Variants in GRID1 observed in about 807,000 individuals in gnomAD.
GRID1 encodes glutamate ionotropic receptor delta type subunit 1.
Under a neutral mutation model 98.0 loss-of-function variants are expected in GRID1, and 28 were observed. The observed-to-expected ratio is 0.29, with a 90% CI of 0.21 to 0.39. The LOEUF is 0.39. GRID1 is among the 10% of genes least tolerant of loss of function. The probability of loss-of-function intolerance (pLI) is 1.00; values close to 1 mark genes in which losing one functional copy is unlikely to be tolerated. For synonymous variants in GRID1, 553 were observed against 538.5 expected, an observed-to-expected ratio of 1.03 and a Z score of -0.37; for missense variants, 1,111 against 1,340.5, an observed-to-expected ratio of 0.83 and a Z score of 2.67.
intron 8 of GRID1, among the ~76,000 whole-genome samples, chr10:85,767,094 C>T (rs903430856): frequency 3.9e-5 from 6 of 152,078 alleles, no homozygotes; most frequent in Admixed American, 2.6e-4. Flanking sequence ...TGAACATTAG[C>T]GCATTTGGCA....
intron 8 of GRID1, among the ~76,000 whole-genome samples, chr10:85,824,705 C>T (rs1439100070): frequency 6.6e-6 from 1 of 152,154 alleles, no homozygotes; most frequent in Admixed American, 6.5e-5. Context: ...CACCACCAAC[C>T]TTCCAGTCTT....
chr10:86,156,252 T>C (rs184744418), intron 3 of GRID1, among the ~76,000 whole-genome samples: 1 of 152,328 alleles, frequency 6.6e-6, no homozygotes, highest in African/African-American at 2.4e-5. Flanking sequence ...TTTGGGGGAA[T>C]GACTCCTTAT....
chr10:85,796,377 C>A (rs1842526269), intron 8 of GRID1, among the ~76,000 whole-genome samples: 1 of 152,198 alleles, frequency 6.6e-6, no homozygotes, highest in South Asian at 2.1e-4. Context: ...CATACTATAA[C>A]AAATTCTTAC....
At chr10:86,339,957 A>C (rs1466651357) in intron 2 of GRID1, among the ~76,000 whole-genome samples, 1 of 149,438 alleles carries the variant, frequency 6.7e-6, no homozygotes, top group Non-Finnish European at 1.5e-5. Context: ...GGAGAAAGAC[A>C]GGCAGCACCA....
intron 2 of GRID1, among the ~76,000 whole-genome samples, chr10:86,362,550 C>A (rs1162422814): frequency 6.6e-6 from 1 of 152,186 alleles, no homozygotes; most frequent in Non-Finnish European, 1.5e-5. Context: ...TTGGGACTCC[C>A]GGTTTGTAAA....
At chr10:86,068,702 G>A (rs912834433) in intron 4 of GRID1, among the ~76,000 whole-genome samples, 3 of 152,208 alleles carry the variant, frequency 2.0e-5, no homozygotes, top group Non-Finnish European at 4.4e-5. Flanking sequence ...GCTCTGTGAT[G>A]AGCGTCTAGG....
chr10:85,634,255 T>TCTCTCTCTCTCTCA (rs1276391687), intron 13 of GRID1, among the ~76,000 whole-genome samples: 4 of 120,718 alleles, frequency 3.3e-5, no homozygotes, highest in African/African-American at 1.1e-4. Flanking sequence ...GGCACCTCTC[T>TCTCTCTCTCTCTCA]CTCTCTCTCT....
chr10:85,800,138 A>T (rs765447137), intron 8 of GRID1, among the ~76,000 whole-genome samples: 41 of 150,288 alleles, frequency 2.7e-4, no homozygotes, highest in Middle Eastern at 6.8e-3. Context: ...AATTAGTCAC[A>T]AGATATACAC....
intron 4 of GRID1, among the ~76,000 whole-genome samples, chr10:86,060,349 C>T (rs1386742219): frequency 6.6e-6 from 1 of 152,156 alleles, no homozygotes; most frequent in African/African-American, 2.4e-5. Flanking sequence ...GTTCTGTATT[C>T]CAGCATTTAT....
chr10:85,704,885 A>C (rs1167434767), intron 12 of GRID1, among the ~76,000 whole-genome samples: 2 of 152,214 alleles, frequency 1.3e-5, no homozygotes, highest in African/African-American at 2.4e-5. Flanking sequence ...TACATAACGA[A>C]AGGAAGGCAG....
chr10:85,706,633 A>G (rs1173935678), intron 12 of GRID1, among the ~76,000 whole-genome samples: 1 of 152,158 alleles, frequency 6.6e-6, no homozygotes, highest in Non-Finnish European at 1.5e-5. Context: ...TATGGAACCA[A>G]AAAAGAGCCC....
chr10:86,162,379 C>T (rs1472311642), intron 3 of GRID1, among the ~76,000 whole-genome samples: 2 of 152,106 alleles, frequency 1.3e-5, no homozygotes, highest in African/African-American at 4.8e-5. Flanking sequence ...GGAAGAAGAG[C>T]CATACATCCC....
intron 3 of GRID1, among the ~76,000 whole-genome samples, chr10:86,190,891 T>A (rs911096197): frequency 2.0e-5 from 3 of 151,484 alleles, no homozygotes; most frequent in African/African-American, 7.3e-5. Context: ...CATGCATGCA[T>A]GAGTGTGTAC....
chr10:86,262,541 G>A (rs554240787), intron 2 of GRID1, among the ~76,000 whole-genome samples: 4 of 152,188 alleles, frequency 2.6e-5, no homozygotes, highest in Non-Finnish European at 1.5e-5. Context: ...CAAGAGTGGA[G>A]GGCGCCTTCT....
intron 4 of GRID1, among the ~76,000 whole-genome samples, chr10:85,952,145 A>C (rs543277828): frequency 2.0e-4 from 31 of 152,382 alleles, no homozygotes; most frequent in African/African-American, 7.2e-4. Flanking sequence ...CTACATGGGA[A>C]TGGCATCCTC....
At chr10:85,910,821 G>A (rs935244783) in intron 5 of GRID1, among the ~76,000 whole-genome samples, 6 of 152,220 alleles carry the variant, frequency 3.9e-5, no homozygotes, top group African/African-American at 1.4e-4. Context: ...CAGAACTGGG[G>A]TGAGGCTGTG....
chr10:86,239,923 G>A (rs1254280546), intron 2 of GRID1, among the ~76,000 whole-genome samples: 1 of 152,156 alleles, frequency 6.6e-6, no homozygotes, highest in African/African-American at 2.4e-5. Context: ...GAATCAGGAA[G>A]GTGGGCCCTA....
At chr10:85,934,607 A>ATCACTT (rs2131834640) in intron 4 of GRID1, among the ~76,000 whole-genome samples, 1 of 152,306 alleles carries the variant, frequency 6.6e-6, no homozygotes, top group South Asian at 2.1e-4. Context: ...CACTTTACAC[A>ATCACTT]TCACTTTCAG....
intron 4 of GRID1, among the ~76,000 whole-genome samples, chr10:86,082,636 G>A (rs774196796): frequency 2.0e-5 from 3 of 152,222 alleles, no homozygotes; most frequent in East Asian, 1.9e-4. Flanking sequence ...GAGGTGCCCC[G>A]TTTCCCACAG....
Sources: gnomAD v4.1 joint callset for allele counts (sites outside exome capture counted in the v4.1 genomes callset) on GRCh38, gnomAD v4.1.1 for gene constraint, MANE v1.5 for transcripts, NCBI Gene and HGNC (gene_info 2026-07-23, HGNC 2026-07-21) for gene names.